TEX11: variants seen among roughly 807,000 people sequenced by gnomAD.
The protein encoded by TEX11 is testis expressed 11, also known as testis-expressed protein 11.
Under a neutral mutation model 84.4 loss-of-function variants are expected in TEX11, and 7 were observed. The ratio of observed to expected loss-of-function variants is 0.08; its 90% CI spans 0.05 to 0.16. The LOEUF (loss-of-function observed/expected upper bound fraction) is 0.16. Ranked by LOEUF, TEX11 falls within the 10% of genes least tolerant of loss-of-function variation. The probability of loss-of-function intolerance (pLI) is 1.00; values close to 1 mark genes in which losing one functional copy is unlikely to be tolerated. For synonymous variants in TEX11, 264 were observed against 222.8 expected, an observed-to-expected ratio of 1.18 and a Z score of -1.64; for missense variants, 551 against 660.5, an observed-to-expected ratio of 0.83 and a Z score of 1.82.
In TEX11 at chrX:70,609,164, A is replaced by C. The variant is rs1001434514; in HGVS notation, c.1806T>G (p.Leu602=). Residue 602 remains leucine, a synonymous_variant, in exon 22 of 30, where the codon CTT becomes CTG. Coordinates refer to ENST00000374333, the MANE Select transcript of TEX11 (RefSeq NM_031276.3). ...AGGCTTCTTCACCAAAAGGCTGAGA[A>C]AGTTTCACAAAGGCTGCATCAAACA... ...LTCLNRAFVK[L]SQPFGEEALS... 8.3e-7 allele frequency: 1 copy of C among 1,207,435 alleles called. No homozygotes were observed. The highest frequency in any genetic ancestry group is 1.7e-5 in the African/African-American group (1 of 57,230).
intron 8 of TEX11, among the ~76,000 whole-genome samples, chrX:70,831,705 G>A (rs1007183499): frequency 9.0e-6 from 1 of 111,001 alleles, no homozygotes; most frequent in African/African-American, 3.3e-5. Context: ...GTACAGCACA[G>A]TGACTACAGT....
At chrX:70,889,013 A>G (rs2091724259) in intron 2 of TEX11, among the ~76,000 whole-genome samples, 1 of 110,999 alleles carries the variant, frequency 9.0e-6, no homozygotes, top group South Asian at 3.8e-4. Context: ...AAGGAGAAAG[A>G]CTTTCCCAGA....
At chrX:70,638,460 A>G (rs908213291) in intron 17 of TEX11, among the ~76,000 whole-genome samples, 1 of 111,623 alleles carries the variant, frequency 9.0e-6, no homozygotes, top group South Asian at 3.8e-4. Flanking sequence ...GTTCATTGCC[A>G]CCCAGACTTG....
intron 13 of TEX11, among the ~76,000 whole-genome samples, chrX:70,693,865 A>G (rs138844398): frequency 0.025 from 2,762 of 111,712 alleles, 90 homozygotes; most frequent in African/African-American, 0.085. Flanking sequence ...CATATATCAA[A>G]ATATATTGTT....
At chrX:70,706,696 A>G (rs2090380480) in intron 13 of TEX11, among the ~76,000 whole-genome samples, 1 of 111,213 alleles carries the variant, frequency 9.0e-6, no homozygotes, top group African/African-American at 3.3e-5. Context: ...ATATTATTTT[A>G]TCTCTGCATC....
In TEX11 at chrX:70,901,745, C is replaced by T. The variant is rs139926082; in HGVS notation, c.37+6008G>A. Among the ~76,000 whole-genome samples the T allele has an allele frequency of 3.3e-3, 371 of 111,452 alleles. 10 individuals are homozygous for T. In the East Asian group the frequency reaches 0.072, roughly 22 times the overall value. On this transcript the variant is annotated intron_variant, in intron 2 of 29. Coordinates refer to ENST00000374333, the MANE Select transcript of TEX11 (RefSeq NM_031276.3). ...GCCAGAGACAGGTAATGGTCCGTGG[C>T]CCAGGGGTTGAGGACCCCGTCATAG...
At chrX:70,908,200 A>G (rs757570437) in intron 1 of TEX11, among the ~76,000 whole-genome samples, 1 of 111,669 alleles carries the variant, frequency 9.0e-6, no homozygotes, top group African/African-American at 3.3e-5. Context: ...CCTGCCCCCA[A>G]CGGTCATGAA....
chrX:70,903,353 T>C (rs1021431042), intron 2 of TEX11, among the ~76,000 whole-genome samples: 2 of 111,100 alleles, frequency 1.8e-5, no homozygotes, highest in Non-Finnish European at 1.9e-5. Context: ...GGCAGCACAG[T>C]AGATTTGTTT....
At chrX:70,648,351 T>C (rs894249943) in intron 17 of TEX11, among the ~76,000 whole-genome samples, 1 of 110,247 alleles carries the variant, frequency 9.1e-6, no homozygotes, top group Non-Finnish European at 1.9e-5. Context: ...ACATGGCACA[T>C]GTATACATAT....
intron 24 of TEX11, among the ~76,000 whole-genome samples, chrX:70,597,952 TG>T (rs2089030227): frequency 9.0e-6 from 1 of 110,868 alleles, no homozygotes; most frequent in African/African-American, 3.3e-5. Flanking sequence ...AAGGCCGAGG[TG>T]GGGGGATCAG....
intron 25 of TEX11, among the ~76,000 whole-genome samples, chrX:70,579,332 CA>C (rs35742145): frequency 1.1e-3 from 104 of 91,917 alleles, no homozygotes; most frequent in South Asian, 3.2e-3. Context: ...ACTAAAAATA[CA>C]AAAAAAAAAA....
chrX:70,899,777 G>A (rs939730829), intron 2 of TEX11, among the ~76,000 whole-genome samples: 4 of 99,530 alleles, frequency 4.0e-5, no homozygotes, highest in African/African-American at 7.3e-5. Flanking sequence ...TTAGCCAGGC[G>A]TGGTGGTGCA....
At chrX:70,542,395 C>T (rs1040869966) in intron 28 of TEX11, among the ~76,000 whole-genome samples, 1 of 111,344 alleles carries the variant, frequency 9.0e-6, no homozygotes, top group African/African-American at 3.3e-5. Context: ...TTATGATCCA[C>T]CCACTCTATG....
chrX:70,890,462 A>G (rs1248560361), intron 2 of TEX11, among the ~76,000 whole-genome samples: 1 of 112,225 alleles, frequency 8.9e-6, no homozygotes, highest in Non-Finnish European at 1.9e-5. Flanking sequence ...AAGGGAAGCC[A>G]TGACAGACGG....
the TEX11 span, among the ~76,000 whole-genome samples, chrX:70,519,883 ACCCTTTCTT>A: frequency 9.0e-6 from 1 of 111,306 alleles, no homozygotes; most frequent in Admixed American, 9.6e-5. Context: ...AATCACTGAT[ACCCTTTCTT>A]CCACTTGATC....
chrX:70,699,895 C>A lies in TEX11; in HGVS notation c.1005-17070G>T, dbSNP rs185239617. Reference sequence around the variant, plus strand: ...TTTAATTTCATCAAAACTTTGTTAACTTTTACCTTTGAAATAACTATAGAT... The same window carrying A: ...TTTAATTTCATCAAAACTTTGTTAAATTTTACCTTTGAAATAACTATAGAT... On this transcript the variant is annotated intron_variant, in intron 13 of 29. Coordinates refer to ENST00000374333, the MANE Select transcript of TEX11 (RefSeq NM_031276.3). Among the ~76,000 whole-genome samples, 807 of 110,483 alleles carry A rather than the reference C, an allele frequency of 7.3e-3. 7 individuals carry two copies. Among genetic ancestry groups the A allele is most frequent in the African/African-American group, 0.025 (769 of 30,325 alleles).
chrX:70,569,168 A>G (rs1172229912), intron 25 of TEX11, among the ~76,000 whole-genome samples: 38 of 111,261 alleles, frequency 3.4e-4, no homozygotes, highest in Admixed American at 1.4e-3. Flanking sequence ...ATCTTCCATC[A>G]CTGACACCCT....
At chrX:70,907,293 T>C (rs140342782) in intron 2 of TEX11, among the ~76,000 whole-genome samples, 1,990 of 111,886 alleles carry the variant, frequency 0.018, 13 homozygotes, top group Non-Finnish European at 0.028. Flanking sequence ...CCTACACTAG[T>C]TCATAAAAAG....
chrX:70,872,686 T>G (rs2091635561), intron 4 of TEX11, among the ~76,000 whole-genome samples: 2 of 112,091 alleles, frequency 1.8e-5, no homozygotes, highest in African/African-American at 6.5e-5. Context: ...AGATTTTTGG[T>G]TTTTTTGTTC....
Sources: allele counts gnomAD v4.1 joint callset (sites outside exome capture counted in the v4.1 genomes callset), GRCh38; gene constraint gnomAD v4.1.1; transcripts MANE v1.5; gene names NCBI Gene and HGNC (gene_info 2026-07-23, HGNC 2026-07-21).